Variants in ABLIM2 observed in about 807,000 individuals in gnomAD.
The protein encoded by ABLIM2 is actin binding LIM protein family member 2.
ABLIM2 carries 53 observed loss-of-function variants against 97.7 expected under a neutral mutation model. The ratio of observed to expected loss-of-function variants is 0.54; its 90% confidence interval spans 0.44 to 0.68. The LOEUF (loss-of-function observed/expected upper bound fraction) is 0.68. ABLIM2 is among the 30% of genes least tolerant of loss of function. The pLI is 0.00. For missense variants in ABLIM2, 835 were observed against 867.2 expected, an observed-to-expected ratio of 0.96 and a Z score of 0.47; for synonymous variants, 361 against 345.8, an observed-to-expected ratio of 1.04 and a Z score of -0.49.
Position 8,044,939 on chromosome 4 carries a change from G to C in ABLIM2, c.900+225C>G, listed in dbSNP as rs919880240. ...CTTGTCACCAGATAATTGGGGACAGGTTCCCAGGGGAATTGCCGGGTCAAA... is the reference window on the plus strand; with the variant it reads ...CTTGTCACCAGATAATTGGGGACAGCTTCCCAGGGGAATTGCCGGGTCAAA... On this transcript the variant is annotated intron_variant, in intron 9 of 20. Coordinates refer to ENST00000447017, the MANE Select transcript of ABLIM2 (RefSeq NM_001130083.2). The surrounding 1 kb of genome is among the most constrained non-coding windows in gnomAD (Gnocchi z 4.4). 5.3e-5 allele frequency among the ~76,000 whole-genome samples: 8 copies of C among 152,204 alleles called. No homozygotes were observed. Among genetic ancestry groups the C allele is most frequent in the Admixed American group, 2.0e-4 (3 of 15,290 alleles).
At chr4:8,084,917 T>C (rs1485651659) in intron 4 of ABLIM2, among the ~76,000 whole-genome samples, 1 of 152,166 alleles carries the variant, frequency 6.6e-6, no homozygotes, top group East Asian at 1.9e-4. Context: ...GCGCTCGCAC[T>C]CTGCGACGGC....
rs1305482612 is a variant in ABLIM2 at position 8,120,095 on chromosome 4, G to A, written c.11-13458C>T. On this transcript the variant is annotated intron_variant, in intron 1 of 20. Coordinates refer to ENST00000447017, the MANE Select transcript of ABLIM2 (RefSeq NM_001130083.2). This position sits in a 1 kb window ranked among gnomAD's most constrained non-coding sequence, Gnocchi z 5.6. ...GACGTCGGGCGGCAGGGTCCCTGGCGGCCCCCAGAGCCTGAGAGGAGCCTC... is the reference window on the plus strand; with the variant it reads ...GACGTCGGGCGGCAGGGTCCCTGGCAGCCCCCAGAGCCTGAGAGGAGCCTC... 2.0e-5 allele frequency among the ~76,000 whole-genome samples: 3 copies of A among 152,152 alleles called. No individual in the cohort carries two copies. Among genetic ancestry groups the A allele is most frequent in the Admixed American group, 1.3e-4 (2 of 15,286 alleles).
At position 7,998,451 on chromosome 4, in the gene ABLIM2, G is replaced by A. The variant is rs76614906; in HGVS notation, c.1619-5524C>T. Among the ~76,000 whole-genome samples, 424 of 152,034 alleles carry A rather than the reference G, an allele frequency of 2.8e-3. 2 individuals carry two copies. The highest frequency in any genetic ancestry group is 9.7e-3 in the African/African-American group (402 of 41,448). On this transcript the variant is annotated intron_variant, in intron 16 of 20. Transcript: ENST00000447017. The surrounding 1 kb of genome is among the most constrained non-coding windows in gnomAD (Gnocchi z 6.4). ...TGGTCTGCTAAATTCACCTGGAGCTGCCGGTCTGCCCACCTGGGTCCCTGC... is the reference window on the plus strand; with the variant it reads ...TGGTCTGCTAAATTCACCTGGAGCTACCGGTCTGCCCACCTGGGTCCCTGC...
rs1358411222 is a variant in ABLIM2 at position 7,972,198 on chromosome 4, G to A, written c.1825-5095C>T. Among the ~76,000 whole-genome samples the A allele has an allele frequency of 5.9e-5, 9 of 152,166 alleles. No homozygotes were observed. In the East Asian group the frequency reaches 7.7e-4, roughly 13 times the overall value. On this transcript the variant is annotated intron_variant, in intron 20 of 20. Coordinates refer to ENST00000447017, the MANE Select transcript of ABLIM2 (RefSeq NM_001130083.2). ...GCCTATGGGGCACAGAGGGGACAGC[G>A]GCTTAGCGGGGCAATGACGTGGCTG...
intron 9 of ABLIM2, among the ~76,000 whole-genome samples, chr4:8,037,559 A>AC (rs1473912102): frequency 6.6e-6 from 1 of 151,350 alleles, no homozygotes; most frequent in Admixed American, 6.6e-5. Flanking sequence ...CAACCGGCAC[A>AC]CCCCCACACA....
At chr4:8,086,664 T>A (rs1270627606) in intron 4 of ABLIM2, among the ~76,000 whole-genome samples, 1 of 152,170 alleles carries the variant, frequency 6.6e-6, no homozygotes, top group Non-Finnish European at 1.5e-5. Flanking sequence ...CTTTTTAATT[T>A]GGCTGCCAGG....
rs1824319709 is a variant in ABLIM2, at chr4:8,087,297, C to T, written c.454+872G>A. The stretch of plus-strand genomic sequence containing the variant: ...ATCTCATGATCCGGCAGAGCCACCC[C>T]AGCTGGGAAAGGCCACCTGGCTGCC... On this transcript the variant is annotated intron_variant, in intron 4 of 20. Transcript: ENST00000447017. This position sits in a 1 kb window ranked among gnomAD's most constrained non-coding sequence, Gnocchi z 4.6. Among the ~76,000 whole-genome samples, 1 of 152,216 alleles carries T rather than the reference C, an allele frequency of 6.6e-6. No homozygotes were observed. The highest frequency in any genetic ancestry group is 1.5e-5 in the Non-Finnish European group (1 of 68,046).
rs1438873691 is a variant in ABLIM2, at chr4:8,044,797, T to C, written c.900+367A>G. Among the ~76,000 whole-genome samples, 1 of 152,136 alleles carries C rather than the reference T, an allele frequency of 6.6e-6. No homozygotes were observed. The highest frequency in any genetic ancestry group is 1.5e-5 in the Non-Finnish European group (1 of 68,024). On this transcript the variant is annotated intron_variant, in intron 9 of 20. Coordinates refer to ENST00000447017, the MANE Select transcript of ABLIM2 (RefSeq NM_001130083.2). This position sits in a 1 kb window ranked among gnomAD's most constrained non-coding sequence, Gnocchi z 4.4. Reference sequence around the variant, plus strand: ...GTTGATGTACACAGATCCGTGCCGTTATTTGCAAACTCTGCAGGGTCCCGC... The same window carrying C: ...GTTGATGTACACAGATCCGTGCCGTCATTTGCAAACTCTGCAGGGTCCCGC...
At chr4:8,027,678 G>A (rs565591964) in intron 12 of ABLIM2, 81 bp downstream of exon 12, 21 of 1,154,134 alleles carry the variant, frequency 1.8e-5, no homozygotes, top group South Asian at 9.3e-5. Context: ...GAAGCCATGC[G>A]GCAGACATGG....
At chr4:8,107,534 C>T (rs1328535178) in intron 1 of ABLIM2, among the ~76,000 whole-genome samples, 3 of 152,174 alleles carry the variant, frequency 2.0e-5, no homozygotes, top group African/African-American at 7.2e-5. Context: ...GGCACAGAGC[C>T]AGCCACACAG....
At chr4:8,053,922 T>C (rs1797496258) in intron 8 of ABLIM2, among the ~76,000 whole-genome samples, 2 of 152,204 alleles carry the variant, frequency 1.3e-5, no homozygotes, top group Non-Finnish European at 2.9e-5. Context: ...AACCATGAGC[T>C]GAATTAACTT....
At chr4:8,094,009 T>A (rs1397496338) in intron 3 of ABLIM2, among the ~76,000 whole-genome samples, 1 of 152,218 alleles carries the variant, frequency 6.6e-6, no homozygotes, top group Non-Finnish European at 1.5e-5. Flanking sequence ...CTTTTTGTGT[T>A]TTTCAGTTTT....
At chr4:8,027,248 C>T (rs1003385358) in intron 12 of ABLIM2, among the ~76,000 whole-genome samples, 1 of 152,174 alleles carries the variant, frequency 6.6e-6, no homozygotes, top group African/African-American at 2.4e-5. Flanking sequence ...CATGTGGGTG[C>T]CCGTGCAGGG....
rs1391905089 is a variant in ABLIM2 at position 7,986,385 on chromosome 4, T to C, written c.1681-1492A>G. On this transcript the variant is annotated intron_variant, in intron 17 of 20. Coordinates refer to ENST00000447017, the MANE Select transcript of ABLIM2 (RefSeq NM_001130083.2). The surrounding 1 kb of genome is among the most constrained non-coding windows in gnomAD (Gnocchi z 4.3). The stretch of plus-strand genomic sequence containing the variant: ...CCCGAGGGAAGCTGGACCTTCTTCC[T>C]GATGCAGAGCTGGAGTCAGAGGGCT... Among the ~76,000 whole-genome samples the C allele has an allele frequency of 1.3e-5, 2 of 152,172 alleles. No individual in the cohort carries two copies. Among genetic ancestry groups the C allele is most frequent in the Non-Finnish European group, 2.9e-5 (2 of 68,012 alleles).
Position 8,032,576 on chromosome 4 carries a change from C to T in ABLIM2, c.1048-2800G>A, listed in dbSNP as rs1781642402. 1 of 1,597,482 alleles carries T rather than the reference C, an allele frequency of 6.3e-7. No individual in the cohort carries two copies. Among genetic ancestry groups the T allele is most frequent in the Non-Finnish European group, 8.6e-7 (1 of 1,167,802 alleles). ...GAGGAGGCCCTTCCCGGGAGTGCGG[C>T]TGGGTGGTTATGTTTATAACCCAGG... On this transcript the variant is annotated intron_variant, in intron 10 of 20. Transcript: ENST00000447017. This position sits in a 1 kb window ranked among gnomAD's most constrained non-coding sequence, Gnocchi z 4.3.
At chr4:7,983,075 C>T (rs1459983650) in intron 20 of ABLIM2, among the ~76,000 whole-genome samples, 189 bp downstream of exon 20, 1 of 152,224 alleles carries the variant, frequency 6.6e-6, no homozygotes, top group Non-Finnish European at 1.5e-5. Flanking sequence ...GCAAAGCCAT[C>T]AAGGCTGGGG....
rs1216463237 is a variant in ABLIM2, at chr4:8,003,792, T to A, written c.1618+4267A>T. 6.6e-6 allele frequency among the ~76,000 whole-genome samples: 1 copy of A among 152,126 alleles called. No homozygotes were observed. The highest frequency in any genetic ancestry group is 1.9e-4 in the East Asian group (1 of 5,150). ...GTTGGTCAGGCTGGTCTCGAACTCC[T>A]GACCTCAGGTGATCTGCCCGCCTCG... On this transcript the variant is annotated intron_variant, in intron 16 of 20. Coordinates refer to ENST00000447017, the MANE Select transcript of ABLIM2 (RefSeq NM_001130083.2). This position sits in a 1 kb window ranked among gnomAD's most constrained non-coding sequence, Gnocchi z 4.2.
In ABLIM2 at chr4:7,998,873, CT is replaced by C. The variant is rs1305870089; in HGVS notation, c.1619-5947del. Among the ~76,000 whole-genome samples the C allele has an allele frequency of 1.3e-5, 2 of 152,180 alleles. No individual in the cohort carries two copies. The highest frequency in any genetic ancestry group is 2.9e-5 in the Non-Finnish European group (2 of 68,038). The stretch of plus-strand genomic sequence containing the variant: ...TTAGAGTTGTCCTGTGACCAACCGT[CT>C]GCCGTATCATTTGCAGGTCCGTTTA... On this transcript the variant is annotated intron_variant, in intron 16 of 20. Coordinates refer to ENST00000447017, the MANE Select transcript of ABLIM2 (RefSeq NM_001130083.2). The surrounding 1 kb of genome is among the most constrained non-coding windows in gnomAD (Gnocchi z 6.4).
chr4:8,127,538 G>A lies in ABLIM2; in HGVS notation c.11-20901C>T, dbSNP rs750265407. On this transcript the variant is annotated intron_variant, in intron 1 of 20. Transcript: ENST00000447017. This position sits in a 1 kb window ranked among gnomAD's most constrained non-coding sequence, Gnocchi z 7.3. ...ATGGTCTGGGCAAAAGCGCAGTTTGGGGATTTACCTGTGTCTCCCCCTGGC... is the reference window on the plus strand; with the variant it reads ...ATGGTCTGGGCAAAAGCGCAGTTTGAGGATTTACCTGTGTCTCCCCCTGGC... 7 of 1,289,800 alleles carry A rather than the reference G, an allele frequency of 5.4e-6. No individual in the cohort carries two copies. The South Asian group carries it at 8.6e-5, about 16-fold the overall frequency. The allele number at this position is 1,289,800 out of a possible 1,614,324, so 79.9% of individuals were successfully genotyped here.
Sources: allele counts gnomAD v4.1 joint callset (sites outside exome capture counted in the v4.1 genomes callset), GRCh38; gene constraint gnomAD v4.1.1; non-coding constraint Gnocchi (gnomAD v3.1); transcripts MANE v1.5; gene names NCBI Gene and HGNC (gene_info 2026-07-23, HGNC 2026-07-21).